PRDM6: variants seen among roughly 807,000 people sequenced by gnomAD.
The protein encoded by PRDM6 is PR/SET domain 6.
Under a neutral mutation model 60.8 loss-of-function variants are expected in PRDM6, and 25 were observed. The ratio of observed to expected loss-of-function variants is 0.41; its 90% CI spans 0.30 to 0.57. The LOEUF (loss-of-function observed/expected upper bound fraction) is 0.57, where lower values mean the gene tolerates loss of function less well. Ranked by LOEUF, PRDM6 falls within the 20% of genes least tolerant of loss-of-function variation. PRDM6 has a pLI of 0.27. For synonymous variants in PRDM6, 407 were observed against 357.4 expected (o/e 1.14, Z -1.57); for missense variants, 839 against 821.3 (o/e 1.02, Z -0.26).
At chr5:123,171,888 G>T (rs938302342) in intron 6 of PRDM6, among the ~76,000 whole-genome samples, 2 of 152,100 alleles carry the variant, frequency 1.3e-5, no homozygotes, top group South Asian at 2.1e-4. Flanking sequence ...AGCTGGGAGC[G>T]CAAAAGACAA....
chr5:123,099,237 C>A lies in PRDM6; in HGVS notation c.593-417C>A, dbSNP rs1214885040. 1.3e-5 allele frequency among the ~76,000 whole-genome samples: 2 copies of A among 152,004 alleles called. No individual in the cohort carries two copies. The highest frequency in any genetic ancestry group is 2.9e-5 in the Non-Finnish European group (2 of 68,008). ...ACATCCTGAAACTCCAGATAGAAAC[C>A]TCAGGAATGGGCGAGAGGGTCAGAA... On this transcript the variant is annotated intron_variant, in intron 2 of 7. Transcript: ENST00000407847. This position sits in a 1 kb window ranked among gnomAD's most constrained non-coding sequence, Gnocchi z 4.0.
At chr5:123,104,096 G>A (rs975059373) in intron 3 of PRDM6, among the ~76,000 whole-genome samples, 1 of 151,870 alleles carries the variant, frequency 6.6e-6, no homozygotes, top group East Asian at 1.9e-4. Context: ...TTTGTGATTT[G>A]GTTTTGTGCC....
At position 123,090,338 on chromosome 5, in the gene PRDM6, C is replaced by T. The variant is rs1339075445; in HGVS notation, c.324C>T (p.Leu108=). The change falls in exon 2 of 8, where the codon CTC becomes CTT. Residue 108 remains leucine (L), a synonymous_variant. Coordinates refer to ENST00000407847, the MANE Select transcript of PRDM6 (RefSeq NM_001136239.4). ...AAAAAAALAG[L]SALPVSQLPV... Reference sequence around the variant, plus strand: ...CCGCTGCCGCCGCGCTGGCTGGTCTCTCGGCCCTGCCGGTGTCGCAGCTGC... The same window carrying T: ...CCGCTGCCGCCGCGCTGGCTGGTCTTTCGGCCCTGCCGGTGTCGCAGCTGC... The T allele has an allele frequency of 2.7e-6, 4 of 1,477,892 alleles. No individual in the cohort carries two copies. The highest frequency in any genetic ancestry group is 2.3e-5 in the Admixed American group (1 of 43,820). The allele number at this position is 1,477,892 out of a possible 1,614,324, so 91.5% of individuals were successfully genotyped here.
At chr5:123,136,124 C>T (rs764692445) in intron 3 of PRDM6, among the ~76,000 whole-genome samples, 1 of 152,062 alleles carries the variant, frequency 6.6e-6, no homozygotes, top group Non-Finnish European at 1.5e-5. Context: ...GTGAGAGTGA[C>T]CAGATTTCTT....
intron 7 of PRDM6, among the ~76,000 whole-genome samples, chr5:123,182,509 A>T (rs1240943126): frequency 6.6e-6 from 1 of 152,184 alleles, no homozygotes; most frequent in Non-Finnish European, 1.5e-5. Flanking sequence ...TGGGAAATAG[A>T]TTTCTATTAA....
chr5:123,101,325 C>T (rs1248413396), intron 3 of PRDM6, among the ~76,000 whole-genome samples: 2 of 152,104 alleles, frequency 1.3e-5, no homozygotes, highest in Non-Finnish European at 2.9e-5. Context: ...GTGTATGAGT[C>T]TACAGCCCAG....
intron 3 of PRDM6, among the ~76,000 whole-genome samples, chr5:123,118,610 A>G (rs186749): frequency 0.56 from 84,827 of 152,042 alleles, 24,521 homozygotes; most frequent in Non-Finnish European, 0.64. Context: ...GTGAATTTCA[A>G]TGACCAAAGC....
At chr5:123,173,590 A>G (rs1475436779) in intron 6 of PRDM6, 1 of 167,066 alleles carries the variant, frequency 6.0e-6, no homozygotes, top group African/African-American at 2.4e-5. Context: ...AGAGGTGTTC[A>G]CCATCATTCT....
intron 3 of PRDM6, among the ~76,000 whole-genome samples, chr5:123,115,302 G>A (rs1263641340): frequency 6.6e-6 from 1 of 152,112 alleles, no homozygotes; most frequent in Non-Finnish European, 1.5e-5. Flanking sequence ...GAACCATGGG[G>A]CCTTTATACT....
chr5:123,094,685 C>T (rs1245944001), intron 2 of PRDM6, among the ~76,000 whole-genome samples: 1 of 152,114 alleles, frequency 6.6e-6, no homozygotes, highest in Non-Finnish European at 1.5e-5. Flanking sequence ...ATTAATTGCC[C>T]TATAGTTTTG....
At position 123,118,398 on chromosome 5, in the gene PRDM6, C is replaced by T. The variant is rs779534619; in HGVS notation, c.900+18437C>T. Reference sequence around the variant, plus strand: ...TTCTTGAAAACTAGGTAGAGAGTTGCGGTTTGAGATGCAAATAGGAAACTA... The same window carrying T: ...TTCTTGAAAACTAGGTAGAGAGTTGTGGTTTGAGATGCAAATAGGAAACTA... On this transcript the variant is annotated intron_variant, in intron 3 of 7. Coordinates refer to ENST00000407847, the MANE Select transcript of PRDM6 (RefSeq NM_001136239.4). 8.5e-5 allele frequency among the ~76,000 whole-genome samples: 13 copies of T among 152,068 alleles called. 1 individual carries two copies. The highest frequency in any genetic ancestry group is 1.2e-4 in the African/African-American group (5 of 41,386).
chr5:123,098,265 G>A (rs1764005156), intron 2 of PRDM6, among the ~76,000 whole-genome samples: 1 of 152,256 alleles, frequency 6.6e-6, no homozygotes, highest in Admixed American at 6.5e-5. Context: ...TCAGTGGCCA[G>A]CTTTCACCGT....
At position 123,187,140 on chromosome 5, in the gene PRDM6, A is replaced by G; in HGVS notation, c.1727A>G (p.Gln576Arg). The G allele has an allele frequency of 6.4e-7, 1 of 1,551,622 alleles. No individual in the cohort carries two copies. The highest frequency in any genetic ancestry group is 1.2e-5 in the South Asian group (1 of 84,064). Reference sequence around the variant, plus strand: ...CAGGCCACCCAGCTGAGCCGACACCAGCGGATGCCCAATGAGTGCAAGCCA... The same window carrying G: ...CAGGCCACCCAGCTGAGCCGACACCGGCGGATGCCCAATGAGTGCAAGCCA... ...FTQATQLSRHQRMPNECKPIT... is the reference protein window; with the variant it reads ...FTQATQLSRHRRMPNECKPIT... Residue 576 changes from glutamine to arginine, a missense_variant, in exon 8 of 8, where the codon CAG becomes CGG. Coordinates refer to ENST00000407847, the MANE Select transcript of PRDM6 (RefSeq NM_001136239.4).
At chr5:123,149,564 A>T (rs1161322611) in intron 3 of PRDM6, among the ~76,000 whole-genome samples, 1 of 152,198 alleles carries the variant, frequency 6.6e-6, no homozygotes, top group African/African-American at 2.4e-5. Flanking sequence ...ATGTTCTCAA[A>T]GGTATAGTGG....
At chr5:123,183,502 C>T (rs540794736) in intron 7 of PRDM6, among the ~76,000 whole-genome samples, 2 of 152,250 alleles carry the variant, frequency 1.3e-5, no homozygotes, top group South Asian at 4.1e-4. Flanking sequence ...ACTGAAATTC[C>T]ACTGAAAGAA....
intron 3 of PRDM6, among the ~76,000 whole-genome samples, chr5:123,112,974 TA>T: frequency 6.6e-6 from 1 of 152,252 alleles, no homozygotes; most frequent in Non-Finnish European, 1.5e-5. Context: ...AAACATTAGC[TA>T]AAATGGATCT....
intron 3 of PRDM6, among the ~76,000 whole-genome samples, chr5:123,140,930 C>T (rs1765083689): frequency 6.6e-6 from 1 of 151,910 alleles, no homozygotes; most frequent in Non-Finnish European, 1.5e-5. Context: ...TCAGGCGTGT[C>T]CCCCTTTTAA....
chr5:123,163,585 T>A (rs1015190741), intron 5 of PRDM6, among the ~76,000 whole-genome samples: 6 of 152,140 alleles, frequency 3.9e-5, no homozygotes, highest in Admixed American at 6.5e-5. Context: ...GTAATAGAGC[T>A]CCAAAGAGAG....
intron 3 of PRDM6, among the ~76,000 whole-genome samples, chr5:123,136,136 T>C (rs998622396): frequency 6.6e-6 from 1 of 152,206 alleles, no homozygotes; most frequent in African/African-American, 2.4e-5. Context: ...AGATTTCTTG[T>C]GAGTTTCAGG....
Sources: gnomAD v4.1 joint callset for allele counts (sites outside exome capture counted in the v4.1 genomes callset) on GRCh38, gnomAD v4.1.1 for gene constraint, Gnocchi (gnomAD v3.1) non-coding constraint, MANE v1.5 for transcripts, NCBI Gene and HGNC (gene_info 2026-07-23, HGNC 2026-07-21) for gene names.